TRARG1: variants seen among roughly 807,000 people sequenced by gnomAD.
TRARG1 encodes trafficking regulator of GLUT4 (SLC2A4) 1 (gene/pseudogene), also known as trafficking regulator of GLUT4 1.
Under a neutral mutation model 13.3 loss-of-function variants are expected in TRARG1, and 16 were observed. That is an observed-to-expected ratio of 1.20 (90% CI 0.81 to 1.83). The LOEUF is 1.83. Ranked by LOEUF, TRARG1 falls within the 40% of genes most tolerant of loss-of-function variation. The pLI is 0.00. For missense variants in TRARG1, 250 were observed against 237.4 expected (o/e 1.05, Z -0.35); for synonymous variants, 113 against 106.2 (o/e 1.06, Z -0.39).
At chr17:1,285,657 T>C (rs1036441706) in intron 1 of TRARG1, among the ~76,000 whole-genome samples, 2 of 147,718 alleles carry the variant, frequency 1.4e-5, no homozygotes, top group South Asian at 2.2e-4. Context: ...GCGGAGGTTA[T>C]AGTGAGCTGA....
intron 1 of TRARG1, among the ~76,000 whole-genome samples, chr17:1,292,658 GAAAC>G (rs141774479): frequency 2.1e-3 from 324 of 152,314 alleles, no homozygotes; most frequent in African/African-American, 7.2e-3. Flanking sequence ...CCTTCCTTTG[GAAAC>G]AAACAATCTA....
At chr17:1,290,145 T>C (rs932899735) in intron 1 of TRARG1, among the ~76,000 whole-genome samples, 3 of 152,220 alleles carry the variant, frequency 2.0e-5, no homozygotes, top group African/African-American at 7.2e-5. Flanking sequence ...TCTTTGAAAC[T>C]GTCTGCTCTC....
Position 1,282,323 on chromosome 17 carries a change from C to CGT in TRARG1, c.387+1935_387+1936insGT, listed in dbSNP as rs1451788558. Reference sequence around the variant, plus strand: ...ATATGTACATATGCGTATATATGTACATATATGTACGTATATGTACATATG... The same window carrying CGT: ...ATATGTACATATGCGTATATATGTACGTATATATGTACGTATATGTACATATG... On this transcript the variant is annotated intron_variant, in intron 1 of 2. Transcript: ENST00000333813. Among the ~76,000 whole-genome samples, 29 of 120,722 alleles carry CGT rather than the reference C, an allele frequency of 2.4e-4. 1 individual carries two copies. Among genetic ancestry groups the CGT allele is most frequent in the Non-Finnish European group, 4.6e-4 (24 of 52,202 alleles). 79.2% of individuals were successfully genotyped at this position (120,722 alleles called of 152,430 possible). A position where few individuals can be genotyped will look rare whatever the true frequency, so the allele number is the denominator to read the frequency against.
At chr17:1,280,560 C>A (rs1485794313) in intron 1 of TRARG1, among the ~76,000 whole-genome samples, 172 bp downstream of exon 1, 1 of 152,126 alleles carries the variant, frequency 6.6e-6, no homozygotes, top group Non-Finnish European at 1.5e-5. Flanking sequence ...TAGAGAGGGG[C>A]CCCGGGGCTG....
intron 1 of TRARG1, among the ~76,000 whole-genome samples, chr17:1,288,181 C>T (rs932334359): frequency 7.9e-5 from 12 of 151,938 alleles, no homozygotes; most frequent in African/African-American, 2.9e-4. Flanking sequence ...TATTCGCTTC[C>T]ACTGCTGAGC....
intron 1 of TRARG1, among the ~76,000 whole-genome samples, chr17:1,286,006 A>G (rs968446160): frequency 2.6e-5 from 4 of 152,148 alleles, no homozygotes; most frequent in Non-Finnish European, 5.9e-5. Flanking sequence ...ATCCCTGGTG[A>G]CCGGGGGATG....
intron 1 of TRARG1, among the ~76,000 whole-genome samples, chr17:1,285,650 G>T (rs942127855): frequency 6.6e-6 from 1 of 152,040 alleles, no homozygotes; most frequent in Admixed American, 6.6e-5. Flanking sequence ...GGCAGAGGCG[G>T]AGGTTATAGT....
At chr17:1,290,099 A>T (rs977171319) in intron 1 of TRARG1, among the ~76,000 whole-genome samples, 3 of 152,098 alleles carry the variant, frequency 2.0e-5, no homozygotes, top group Non-Finnish European at 2.9e-5. Context: ...AACTTCTCAA[A>T]CCTGAACTCT....
chr17:1,294,799 C>T (rs1251310721), intron 1 of TRARG1, among the ~76,000 whole-genome samples: 8 of 151,770 alleles, frequency 5.3e-5, no homozygotes, highest in African/African-American at 9.7e-5. Flanking sequence ...GATTCTCCTG[C>T]GTCAGCCTCC....
chr17:1,285,266 C>T (rs1476444355), intron 1 of TRARG1, among the ~76,000 whole-genome samples: 2 of 151,602 alleles, frequency 1.3e-5, no homozygotes, highest in Non-Finnish European at 2.9e-5. Flanking sequence ...AAAAAATTAG[C>T]CAGGCGTGGC....
At position 1,279,755 on chromosome 17, in the gene TRARG1, A is replaced by G; in HGVS notation, c.-247A>G. On this transcript the variant is annotated 5_prime_UTR_variant, in exon 1 of 3. Coordinates refer to ENST00000333813, the MANE Select transcript of TRARG1 (RefSeq NM_172367.3). ...CAAAGTTGGCCTCAAACTTGAACAA[A>G]GCTGCAGGCTCCAGCGTCTTTCTGG... The G allele has an allele frequency of 2.1e-6, 1 of 478,104 alleles. No homozygotes were observed. The highest frequency in any genetic ancestry group is 3.7e-6 in the Non-Finnish European group (1 of 270,574). 29.6% of individuals were successfully genotyped at this position (478,104 alleles called of 1,614,324 possible).
chr17:1,281,991 T>G (rs528071415), intron 1 of TRARG1, among the ~76,000 whole-genome samples: 4 of 151,606 alleles, frequency 2.6e-5, no homozygotes, highest in African/African-American at 9.7e-5. Flanking sequence ...TATATGTACA[T>G]ATATACAGAT....
intron 1 of TRARG1, among the ~76,000 whole-genome samples, chr17:1,286,742 C>T (rs115970947): frequency 5.4e-4 from 74 of 136,544 alleles, no homozygotes; most frequent in African/African-American, 1.7e-3. Flanking sequence ...GTGTTGTTTT[C>T]GGCCTGTGGG....
chr17:1,291,243 G>A (rs1367306687), intron 1 of TRARG1, among the ~76,000 whole-genome samples: 2 of 151,964 alleles, frequency 1.3e-5, no homozygotes, highest in African/African-American at 2.4e-5. Context: ...CCTGAGTAGC[G>A]GGGATTACAG....
At chr17:1,280,451 C>G (rs1328821346) in intron 1 of TRARG1, 63 bp downstream of exon 1, 1 of 1,475,094 alleles carries the variant, frequency 6.8e-7, no homozygotes, top group Non-Finnish European at 9.0e-7. Flanking sequence ...GTGTTTCCCC[C>G]AGGCAGGCAC....
chr17:1,288,695 T>C (rs1346431467), intron 1 of TRARG1, among the ~76,000 whole-genome samples: 2 of 14,594 alleles, frequency 1.4e-4, no homozygotes, highest in African/African-American at 3.3e-4. Context: ...CACGGGCTCC[T>C]CATCCCCCAC....
chr17:1,288,544 G>A (rs867352008), intron 1 of TRARG1, among the ~76,000 whole-genome samples: 38 of 49,162 alleles, frequency 7.7e-4, no homozygotes, highest in South Asian at 7.4e-3. Context: ...CATCCCCCAC[G>A]GGTTCCCCAT....
rs562703412 is a variant in TRARG1 at position 1,282,429 on chromosome 17, G to A, written c.387+2041G>A. Among the ~76,000 whole-genome samples the A allele has an allele frequency of 1.9e-4, 29 of 151,764 alleles. No individual in the cohort carries two copies. The East Asian group carries it at 3.5e-3, about 18-fold the overall frequency. On this transcript the variant is annotated intron_variant, in intron 1 of 2. Transcript: ENST00000333813. ...TCTGTCACCCAGGCTGGAGTGCAAT[G>A]GTGCGATCTCGGCTCACTGCAACCT...
At chr17:1,290,260 C>T (rs1258023547) in intron 1 of TRARG1, among the ~76,000 whole-genome samples, 2 of 152,180 alleles carry the variant, frequency 1.3e-5, no homozygotes, top group African/African-American at 2.4e-5. Flanking sequence ...TCCTGCAGGA[C>T]AAAATCCCGA....
Sources: gnomAD v4.1 joint callset for allele counts (sites outside exome capture counted in the v4.1 genomes callset) on GRCh38, gnomAD v4.1.1 for gene constraint, MANE v1.5 for transcripts, NCBI Gene and HGNC (gene_info 2026-07-23, HGNC 2026-07-21) for gene names.